GSE1: variants seen among roughly 807,000 people sequenced by gnomAD.
The protein encoded by GSE1 is genetic suppressor element 1.
A neutral mutation model predicts 112.6 loss-of-function variants in GSE1; 32 were observed. The ratio of observed to expected loss-of-function variants is 0.28; its 90% CI spans 0.21 to 0.38. The LOEUF is 0.38. GSE1 is among the 10% of genes least tolerant of loss of function. The pLI, the probability that GSE1 is intolerant of heterozygous loss-of-function variation, is 1.00. For synonymous variants in GSE1, 1,115 were observed against 735.6 expected, an observed-to-expected ratio of 1.52 and a Z score of -8.35; for missense variants, 2,348 against 1,699.2, an observed-to-expected ratio of 1.38 and a Z score of -6.71.
chr16:85,664,832 G>A, intron 11 of GSE1, 183 bp from the exon 12 acceptor site: 2 of 591,430 alleles, frequency 3.4e-6, no homozygotes, highest in East Asian at 2.8e-5. Context: ...GATGCCGAGA[G>A]CAATCTGGGC....
At chr16:85,237,815 G>A (rs1197870193) in intron 1 of GSE1, among the ~76,000 whole-genome samples, 1 of 151,194 alleles carries the variant, frequency 6.6e-6, no homozygotes, top group Non-Finnish European at 1.5e-5. Flanking sequence ...TCCAGTCTGG[G>A]CGACAGAGCA....
chr16:85,559,046 T>TG (rs1182472381), intron 1 of GSE1, among the ~76,000 whole-genome samples: 1 of 152,100 alleles, frequency 6.6e-6, no homozygotes, highest in Non-Finnish European at 1.5e-5. Flanking sequence ...TTAGTAGAGA[T>TG]GGGGTTTCGC....
intron 1 of GSE1, among the ~76,000 whole-genome samples, chr16:85,228,252 G>C (rs923950069): frequency 1.8e-4 from 28 of 152,266 alleles, no homozygotes; most frequent in Admixed American, 9.2e-4. Flanking sequence ...GCTACAGACA[G>C]AGGGCTTTGC....
intron 1 of GSE1, among the ~76,000 whole-genome samples, chr16:85,282,317 C>T (rs1442854161): frequency 1.3e-5 from 2 of 152,224 alleles, no homozygotes; most frequent in Non-Finnish European, 2.9e-5. Context: ...TGAGCCACCG[C>T]GCCCGGCTGG....
chr16:85,329,020 G>C (rs2046284614), intron 1 of GSE1, among the ~76,000 whole-genome samples: 1 of 152,190 alleles, frequency 6.6e-6, no homozygotes. Context: ...GGGGGATTGA[G>C]GGGTGAGGTC....
chr16:85,231,858 G>A (rs1338888656), intron 1 of GSE1, among the ~76,000 whole-genome samples: 2 of 152,256 alleles, frequency 1.3e-5, no homozygotes, highest in Admixed American at 1.3e-4. Flanking sequence ...GCTAGAAGGC[G>A]AGGAACTTGC....
chr16:85,227,336 G>A (rs1343210891), intron 1 of GSE1, among the ~76,000 whole-genome samples: 1 of 152,248 alleles, frequency 6.6e-6, no homozygotes, highest in Non-Finnish European at 1.5e-5. Context: ...GAAGGCTACT[G>A]CACGCAGGCC....
intron 1 of GSE1, among the ~76,000 whole-genome samples, chr16:85,312,358 C>T (rs2045878990): frequency 6.6e-6 from 1 of 152,196 alleles, no homozygotes; most frequent in African/African-American, 2.4e-5. Flanking sequence ...GAGCTGTTGG[C>T]AGGGCCGCCC....
intron 2 of GSE1, among the ~76,000 whole-genome samples, chr16:85,525,056 C>T (rs1232742814): frequency 2.0e-5 from 3 of 152,192 alleles, no homozygotes; most frequent in Non-Finnish European, 4.4e-5. Flanking sequence ...CTGCTGCAAT[C>T]GGCCCTCGTG....
At chr16:85,424,597 C>G (rs1027520876) in intron 2 of GSE1, among the ~76,000 whole-genome samples, 2 of 152,250 alleles carry the variant, frequency 1.3e-5, no homozygotes, top group African/African-American at 4.8e-5. Flanking sequence ...TCTCCCAGCC[C>G]GCCAGGATCT....
intron 1 of GSE1, among the ~76,000 whole-genome samples, chr16:85,180,371 C>A (rs113353005): frequency 6.6e-6 from 1 of 152,224 alleles, no homozygotes; most frequent in African/African-American, 2.4e-5. Context: ...GGTCACCCAC[C>A]GAGGCCACGC....
At chr16:85,215,887 G>A (rs1355104427) in intron 1 of GSE1, among the ~76,000 whole-genome samples, 1 of 152,218 alleles carries the variant, frequency 6.6e-6, no homozygotes, top group Non-Finnish European at 1.5e-5. Flanking sequence ...AACAGGATCA[G>A]GTTGTTGGCT....
At chr16:85,476,671 G>C (rs1448683872) in intron 2 of GSE1, among the ~76,000 whole-genome samples, 1 of 151,782 alleles carries the variant, frequency 6.6e-6, no homozygotes, top group Non-Finnish European at 1.5e-5. Context: ...GGTCACTCTG[G>C]CATCCAGGCT....
At chr16:85,181,446 G>A (rs1026401060) in intron 1 of GSE1, among the ~76,000 whole-genome samples, 2 of 152,222 alleles carry the variant, frequency 1.3e-5, no homozygotes, top group African/African-American at 4.8e-5. Context: ...GTTCAGGGGT[G>A]CTTCTGGGAG....
At chr16:85,172,186 C>T (rs565054260) in intron 1 of GSE1, among the ~76,000 whole-genome samples, 4 of 152,310 alleles carry the variant, frequency 2.6e-5, no homozygotes, top group Admixed American at 1.3e-4. Flanking sequence ...TCCAGCCGTG[C>T]GGGTCACAGA....
intron 1 of GSE1, among the ~76,000 whole-genome samples, chr16:85,291,874 A>G (rs2045225143): frequency 6.6e-6 from 1 of 151,876 alleles, no homozygotes; most frequent in Non-Finnish European, 1.5e-5. Flanking sequence ...AAGGGCCCTT[A>G]TTTCCCTCCT....
chr16:85,652,960 A>G (rs1265560753), intron 3 of GSE1, among the ~76,000 whole-genome samples: 1 of 151,566 alleles, frequency 6.6e-6, no homozygotes, highest in African/African-American at 2.4e-5. Context: ...GAACGTGAGG[A>G]AGGGCCGGGT....
upstream of GSE1, chr16:85,613,218 C>T (rs2048111466): frequency 3.3e-6 from 5 of 1,492,986 alleles, no homozygotes; most frequent in Non-Finnish European, 4.5e-6. Context: ...TGGGTGTGTC[C>T]TCGGCGGCGA....
At chr16:85,420,830 G>A (rs991689703) in intron 2 of GSE1, among the ~76,000 whole-genome samples, 13 of 152,040 alleles carry the variant, frequency 8.6e-5, no homozygotes, top group African/African-American at 2.9e-4. Flanking sequence ...CAGGGCACCC[G>A]GCCGCAGCCT....
Sources: gnomAD v4.1 joint callset for allele counts (sites outside exome capture counted in the v4.1 genomes callset) on GRCh38, gnomAD v4.1.1 for gene constraint, MANE v1.5 for transcripts, NCBI Gene and HGNC (gene_info 2026-07-23, HGNC 2026-07-21) for gene names.